The following SPAG16 variants were observed in gnomAD, a reference collection of about 807,000 sequenced individuals.
The protein encoded by SPAG16 is sperm-associated antigen 16 protein.
In SPAG16, 86 loss-of-function variants were observed where a neutral mutation model predicts 80.4. That is an observed-to-expected ratio of 1.07 (90% CI 0.90 to 1.28). The LOEUF is 1.28. SPAG16 is among the 50% of genes most tolerant of loss of function. The pLI, the probability that SPAG16 is intolerant of heterozygous loss-of-function variation, is 0.00. For missense variants in SPAG16, 870 were observed against 765.3 expected (o/e 1.14, Z -1.61); for synonymous variants, 294 against 265.9 (o/e 1.11, Z -1.03).
chr2:214,230,337 A>C (rs1386515251), intron 15 of SPAG16, among the ~76,000 whole-genome samples: 1 of 151,948 alleles, frequency 6.6e-6, no homozygotes, highest in African/African-American at 2.4e-5. Context: ...AAAAATGCTC[A>C]TTTCTAGAAA....
intron 15 of SPAG16, among the ~76,000 whole-genome samples, chr2:214,372,329 T>G (rs1699875963): frequency 6.6e-6 from 1 of 152,204 alleles, no homozygotes; most frequent in Non-Finnish European, 1.5e-5. Context: ...CAACTTTCCT[T>G]GAAGCATCAT....
chr2:214,244,100 C>A (rs1052330438), intron 15 of SPAG16, among the ~76,000 whole-genome samples: 2 of 151,982 alleles, frequency 1.3e-5, no homozygotes, highest in South Asian at 4.1e-4. Context: ...CTTGGGAATC[C>A]ACTCAATCAG....
At chr2:213,682,024 G>A (rs991332729) in intron 10 of SPAG16, among the ~76,000 whole-genome samples, 2 of 152,118 alleles carry the variant, frequency 1.3e-5, no homozygotes, top group African/African-American at 4.8e-5. Flanking sequence ...TGTACCTCCA[G>A]AATCTCTCTT....
At position 213,333,577 on chromosome 2, in the gene SPAG16, G is replaced by A. The variant is rs189607267; in HGVS notation, c.537-6586G>A. On this transcript the variant is annotated intron_variant, in intron 5 of 15. Coordinates refer to ENST00000331683, the MANE Select transcript of SPAG16 (RefSeq NM_024532.5). Reference sequence around the variant, plus strand: ...CTAAGCAAAGAGAACAAAACCGGAGGAATCACATTACCTGACTTCAAATTA... The same window carrying A: ...CTAAGCAAAGAGAACAAAACCGGAGAAATCACATTACCTGACTTCAAATTA... 8.5e-5 allele frequency among the ~76,000 whole-genome samples: 13 copies of A among 152,152 alleles called. No individual in the cohort carries two copies. The East Asian group carries it at 2.3e-3, about 27-fold the overall frequency.
intron 15 of SPAG16, among the ~76,000 whole-genome samples, chr2:214,409,857 A>G (rs1297011446): frequency 6.6e-6 from 1 of 152,206 alleles, no homozygotes; most frequent in Non-Finnish European, 1.5e-5. Context: ...TTAATCACAA[A>G]TATAAAAGAA....
intron 15 of SPAG16, among the ~76,000 whole-genome samples, chr2:214,246,677 C>T (rs1303189314): frequency 6.6e-6 from 1 of 152,006 alleles, no homozygotes; most frequent in African/African-American, 2.4e-5. Flanking sequence ...TAACTGCAGC[C>T]ACAGGAGAGA....
chr2:213,967,621 A>G (rs1013702272), intron 12 of SPAG16, among the ~76,000 whole-genome samples: 3 of 152,196 alleles, frequency 2.0e-5, no homozygotes, highest in South Asian at 2.1e-4. Flanking sequence ...AATTTTGTCA[A>G]ATAACTAAGA....
chr2:213,851,328 G>A (rs2074893300), intron 10 of SPAG16, among the ~76,000 whole-genome samples: 1 of 152,108 alleles, frequency 6.6e-6, no homozygotes, highest in South Asian at 2.1e-4. Context: ...TGACCAACAT[G>A]ATGAAACCCC....
intron 15 of SPAG16, among the ~76,000 whole-genome samples, chr2:214,170,227 T>G (rs998743345): frequency 4.9e-4 from 46 of 92,954 alleles, no homozygotes; most frequent in Admixed American, 2.9e-3. Context: ...TGTGTATACG[T>G]ATACACACAC....
chr2:213,870,945 A>G (rs1217959010), intron 11 of SPAG16, among the ~76,000 whole-genome samples: 1 of 152,190 alleles, frequency 6.6e-6, no homozygotes, highest in African/African-American at 2.4e-5. Context: ...ATGAGAAAAT[A>G]TTTGTTGAAT....
At chr2:213,483,700 G>A (rs114477900) in intron 9 of SPAG16, among the ~76,000 whole-genome samples, 1,987 of 152,248 alleles carry the variant, frequency 0.013, 21 homozygotes, top group South Asian at 0.038. Context: ...CCTTGTCAGA[G>A]GCTTGCTTTT....
At chr2:213,704,659 C>T (rs2065657645) in intron 10 of SPAG16, among the ~76,000 whole-genome samples, 2 of 127,682 alleles carry the variant, frequency 1.6e-5, no homozygotes, top group Non-Finnish European at 3.4e-5. Context: ...AAATAAAGGT[C>T]CTTTTAAGCT....
intron 14 of SPAG16, among the ~76,000 whole-genome samples, chr2:214,133,708 G>T (rs1263066246): frequency 1.3e-5 from 2 of 151,950 alleles, no homozygotes; most frequent in African/African-American, 2.4e-5. Flanking sequence ...AAAGATAGAG[G>T]GTTGAAGTGA....
At chr2:213,656,458 C>T (rs1232699483) in intron 10 of SPAG16, among the ~76,000 whole-genome samples, 2 of 152,140 alleles carry the variant, frequency 1.3e-5, no homozygotes, top group Admixed American at 6.5e-5. Context: ...CGCACCCGGC[C>T]GATGTGTGCC....
Position 213,862,486 on chromosome 2 carries a change from G to A in SPAG16, c.1072G>A (p.Val358Ile). 6.2e-7 allele frequency: 1 copy of A among 1,613,748 alleles called. No individual in the cohort carries two copies. The highest frequency in any genetic ancestry group is 8.5e-7 in the Non-Finnish European group (1 of 1,179,730). ...FRLHELPVSC[V>I]SMQPHKDILV... ...TCTTTTTTCTTTCTCCTCGCGCAGT[G>A]TCTCCATGCAACCCCACAAAGACAT... The change falls in exon 11 of 16, where the codon GTC (valine) becomes ATC (isoleucine). Residue 358 changes from valine to isoleucine, a missense_variant and splice_region_variant. Coordinates refer to ENST00000331683, the MANE Select transcript of SPAG16 (RefSeq NM_024532.5).
intron 12 of SPAG16, among the ~76,000 whole-genome samples, chr2:213,948,761 A>G (rs1051496155): frequency 6.6e-6 from 1 of 152,112 alleles, no homozygotes; most frequent in Non-Finnish European, 1.5e-5. Flanking sequence ...TTTACCTTAG[A>G]ATTTATTCTT....
At chr2:213,453,891 G>A (rs2071848456) in intron 9 of SPAG16, among the ~76,000 whole-genome samples, 1 of 152,174 alleles carries the variant, frequency 6.6e-6, no homozygotes, top group Admixed American at 6.5e-5. Context: ...CATTGCAGAG[G>A]AAAGATTCAA....
At chr2:214,196,293 T>C (rs2057836483) in intron 15 of SPAG16, among the ~76,000 whole-genome samples, 1 of 152,050 alleles carries the variant, frequency 6.6e-6, no homozygotes, top group Admixed American at 6.6e-5. Flanking sequence ...TCTTAAGATC[T>C]TGATTATCAG....
At chr2:213,406,055 G>C (rs902472851) in intron 9 of SPAG16, among the ~76,000 whole-genome samples, 2 of 152,276 alleles carry the variant, frequency 1.3e-5, no homozygotes, top group African/African-American at 4.8e-5. Flanking sequence ...GGTTGCCTTA[G>C]GTTCAGCATC....
Sources: gnomAD v4.1 joint callset for allele counts (sites outside exome capture counted in the v4.1 genomes callset) on GRCh38, gnomAD v4.1.1 for gene constraint, MANE v1.5 for transcripts, NCBI Gene and HGNC (gene_info 2026-07-23, HGNC 2026-07-21) for gene names.